The following LYZL1 variants were observed in gnomAD, a reference collection of about 807,000 sequenced individuals.
LYZL1 encodes lysozyme-like protein 1.
LYZL1 carries 16 observed loss-of-function variants against 17.9 expected under a neutral mutation model. The ratio of observed to expected loss-of-function variants is 0.90; its 90% CI spans 0.61 to 1.36. LYZL1 has a LOEUF of 1.36. Ranked by LOEUF, LYZL1 falls within the 40% of genes most tolerant of loss-of-function variation. The pLI is 0.00. For synonymous variants in LYZL1, 58 were observed against 71.8 expected, an observed-to-expected ratio of 0.81 and a Z score of 0.97; for missense variants, 149 against 188.4, an observed-to-expected ratio of 0.79 and a Z score of 1.22.
At chr10:29,318,077 G>C (rs1835751481) in intron 4 of LYZL1, 1 of 691,422 alleles carries the variant, frequency 1.4e-6, no homozygotes, top group South Asian at 6.5e-5. Flanking sequence ...TGAAATAAAG[G>C]CATGTTCAAA....
chr10:29,299,307 G>A (rs1835486666), intron 3 of LYZL1, among the ~76,000 whole-genome samples: 1 of 152,014 alleles, frequency 6.6e-6, no homozygotes, highest in Admixed American at 6.5e-5. Flanking sequence ...TAGGGGGTTG[G>A]GGATCCCTGG....
intron 3 of LYZL1, among the ~76,000 whole-genome samples, chr10:29,309,278 G>A (rs1835638247): frequency 6.8e-6 from 1 of 146,554 alleles, no homozygotes; most frequent in African/African-American, 2.5e-5. Context: ...GCAGTGAGCC[G>A]AGACTATGCC....
chr10:29,306,450 T>C (rs1403464217), intron 3 of LYZL1, among the ~76,000 whole-genome samples: 1 of 137,330 alleles, frequency 7.3e-6, no homozygotes, highest in East Asian at 2.1e-4. Flanking sequence ...CTCGGGAGGC[T>C]GAGGCAGGAG....
chr10:29,315,580 C>T (rs1188670976), downstream of LYZL1, among the ~76,000 whole-genome samples: 3 of 151,954 alleles, frequency 2.0e-5, no homozygotes, highest in Non-Finnish European at 4.4e-5. Context: ...GGCTCGGGTG[C>T]AGTGGCTCAT....
intron 3 of LYZL1, among the ~76,000 whole-genome samples, chr10:29,299,035 G>A (rs1450815873): frequency 1.3e-5 from 2 of 152,228 alleles, no homozygotes; most frequent in African/African-American, 2.4e-5. Flanking sequence ...ATGGAAGACA[G>A]CGGTAGATCA....
At chr10:29,295,334 C>G (rs1226332693) in intron 3 of LYZL1, among the ~76,000 whole-genome samples, 1 of 152,202 alleles carries the variant, frequency 6.6e-6, no homozygotes, top group Non-Finnish European at 1.5e-5. Context: ...TAACTGTATG[C>G]AAATGATTTA....
At chr10:29,302,993 CT>C (rs954578237) in intron 3 of LYZL1, among the ~76,000 whole-genome samples, 1 of 152,202 alleles carries the variant, frequency 6.6e-6, no homozygotes, top group Non-Finnish European at 1.5e-5. Context: ...CATCCAGTGT[CT>C]CTTTTGAATG....
intron 1 of LYZL1, among the ~76,000 whole-genome samples, chr10:29,290,832 C>T (rs1205644621): frequency 7.6e-6 from 1 of 132,294 alleles, no homozygotes; most frequent in Non-Finnish European, 1.7e-5. Flanking sequence ...GAGTGAGATT[C>T]CATCTCAAAA....
intron 3 of LYZL1, among the ~76,000 whole-genome samples, chr10:29,316,718 T>C (rs199942611): frequency 1.3e-4 from 17 of 133,676 alleles, no homozygotes; most frequent in Admixed American, 2.4e-4. Context: ...TTTTTTTTTT[T>C]CTTTTTTTTT....
At chr10:29,290,763 T>C (rs1234011375) in intron 1 of LYZL1, among the ~76,000 whole-genome samples, 3 of 152,012 alleles carry the variant, frequency 2.0e-5, no homozygotes, top group Non-Finnish European at 2.9e-5. Context: ...CGCTTGAACC[T>C]GGGAGGCAGA....
At position 29,292,520 on chromosome 10, in the gene LYZL1, G is replaced by A. The variant is rs774019051; in HGVS notation, c.141G>A (p.Trp47Ter). The part of the protein sequence containing the change: ...DNYWGFSLGN[W>*]ICMAYYESGY... ...CGTTTCTGGCTTTCCCCCCTCCAGG[G>A]ATCTGCATGGCATATTATGAGAGCG... The change falls in exon 3 of 5, where the codon TGG becomes TGA. Residue 47 changes from tryptophan to a stop codon, truncating the protein, a stop_gained and splice_region_variant. Transcript: ENST00000649382. LOFTEE classifies it high-confidence loss of function. The A allele has an allele frequency of 3.1e-6, 5 of 1,613,578 alleles. No individual in the cohort carries two copies. The East Asian group carries it at 8.9e-5, about 29-fold the overall frequency.
chr10:29,313,360 C>T (rs1408977312), downstream of LYZL1, among the ~76,000 whole-genome samples: 2 of 152,204 alleles, frequency 1.3e-5, no homozygotes, highest in African/African-American at 4.8e-5. Context: ...TAGTCATCTG[C>T]CTTGCAGCCC....
At chr10:29,314,550 G>A (rs1481988722), downstream of LYZL1, among the ~76,000 whole-genome samples, 1 of 152,000 alleles carries the variant, frequency 6.6e-6, no homozygotes, top group Non-Finnish European at 1.5e-5. Context: ...GGAGTTTGAG[G>A]CTTCAGTGAA....
intron 3 of LYZL1, 79 bp downstream of exon 3, chr10:29,292,756 G>A (rs1835392047): frequency 6.5e-7 from 1 of 1,532,768 alleles, no homozygotes; most frequent in Admixed American, 2.1e-5. Flanking sequence ...ACCATGTCTT[G>A]CTTTAACTAA....
Position 29,311,027 on chromosome 10 carries a change from T to C in LYZL1, c.415T>C (p.Ser139Pro). ...GAAACATTGTGAGGGCAGAGACCTG[T>C]CCGAGTGGAAAAAAGGCTGTGAGGT... is the stretch of plus-strand genomic sequence containing the variant. ...WKKHCEGRDL[S>P]EWKKGCEVS Residue 139 changes from serine to proline, a missense_variant, in exon 5 of 5, where the codon TCC becomes CCC. This residue lies in a region of LYZL1 where 130 missense variants were observed against 132.5 expected (regional missense o/e 0.98). Transcript: ENST00000649382. The C allele has an allele frequency of 6.2e-7, 1 of 1,614,150 alleles. No homozygotes were observed. Among genetic ancestry groups the C allele is most frequent in the Non-Finnish European group, 8.5e-7 (1 of 1,180,018 alleles).
At chr10:29,311,986 G>GT (rs1048697186), downstream of LYZL1, among the ~76,000 whole-genome samples, 2 of 148,338 alleles carry the variant, frequency 1.3e-5, no homozygotes, top group African/African-American at 2.5e-5. Context: ...GGGAGGGAAC[G>GT]TTTTTTTTCC....
At chr10:29,305,061 G>C (rs1233848871) in intron 3 of LYZL1, among the ~76,000 whole-genome samples, 1 of 152,098 alleles carries the variant, frequency 6.6e-6, no homozygotes, top group Non-Finnish European at 1.5e-5. Context: ...CAGAATAATA[G>C]AATGTGATCT....
At chr10:29,290,847 A>AAT (rs1185545131) in intron 1 of LYZL1, among the ~76,000 whole-genome samples, 3 of 152,080 alleles carry the variant, frequency 2.0e-5, no homozygotes, top group African/African-American at 7.2e-5. Flanking sequence ...TCAAAAAATA[A>AAT]ATAAATAAAT....
At chr10:29,315,520 T>A (rs536959501), downstream of LYZL1, among the ~76,000 whole-genome samples, 476 of 150,214 alleles carry the variant, frequency 3.2e-3, 1 homozygote, top group Admixed American at 5.7e-3. Flanking sequence ...CAAAAATAAA[T>A]AAAAATAAAT....
Sources: gnomAD v4.1 joint callset for allele counts (sites outside exome capture counted in the v4.1 genomes callset) on GRCh38, gnomAD v4.1.1 for gene constraint, gnomAD v4.1.1 regional missense constraint, MANE v1.5 for transcripts, NCBI Gene and HGNC (gene_info 2026-07-23, HGNC 2026-07-21) for gene names.